The following SLC66A1 variants were observed in gnomAD, a reference collection of about 807,000 sequenced individuals.
SLC66A1 encodes lysosomal amino acid transporter 1 homolog.
In SLC66A1, 23 loss-of-function variants were observed where a neutral mutation model predicts 33.0. The ratio of observed to expected loss-of-function variants is 0.70; its 90% confidence interval spans 0.50 to 0.99. The LOEUF is 0.99. Among genes scored for constraint, SLC66A1 ranks in the 50% least tolerant of loss-of-function variants. SLC66A1 has a pLI of 0.00. For synonymous variants in SLC66A1, 164 were observed against 175.5 expected (o/e 0.93, Z 0.52); for missense variants, 335 against 383.6 (o/e 0.87, Z 1.06).
intron 1 of SLC66A1, among the ~76,000 whole-genome samples, chr1:19,314,767 C>T (rs2093796046): frequency 6.6e-6 from 1 of 152,172 alleles, no homozygotes; most frequent in Admixed American, 6.5e-5. Flanking sequence ...GAGCTGCAGC[C>T]TTGTGTTCAG....
At position 19,321,169 on chromosome 1, in the gene SLC66A1, C is replaced by CTTTTTTTTTT. The variant is rs71577887; in HGVS notation, c.164+3341_164+3350dup. ...TAACAAAGATTTATCCTTATCTCTTCTTTTTTTTTTTTTTTTTTTTTTGAG... is the reference window on the plus strand; with the variant it reads ...TAACAAAGATTTATCCTTATCTCTTCTTTTTTTTTTTTTTTTTTTTTTTTTTTTTTTTGAG... On this transcript the variant is annotated intron_variant, in intron 2 of 7. Coordinates refer to ENST00000375153, the MANE Select transcript of SLC66A1 (RefSeq NM_001040125.2). 2.4e-4 allele frequency among the ~76,000 whole-genome samples: 20 copies of CTTTTTTTTTT among 82,112 alleles called. 1 individual carries two copies. The highest frequency in any genetic ancestry group is 1.0e-3 in the South Asian group (2 of 2,006). 53.9% of individuals were successfully genotyped at this position (82,112 alleles called of 152,430 possible). A position where few individuals can be genotyped will look rare whatever the true frequency, so the allele number is the denominator to read the frequency against.
downstream of SLC66A1, among the ~76,000 whole-genome samples, chr1:19,332,446 GC>G (rs1558158562): frequency 6.6e-6 from 1 of 152,162 alleles, no homozygotes; most frequent in Non-Finnish European, 1.5e-5. Flanking sequence ...GCTTACCAAT[GC>G]CTGGAACCTC....
At chr1:19,326,949 G>A (rs1481795386) in intron 6 of SLC66A1, among the ~76,000 whole-genome samples, 2 of 152,174 alleles carry the variant, frequency 1.3e-5, no homozygotes, top group African/African-American at 2.4e-5. Context: ...AGGCTTGCTG[G>A]GCAGCTAGAG....
chr1:19,326,447 C>T, intron 5 of SLC66A1, 60 bp downstream of exon 5: 1 of 1,610,914 alleles, frequency 6.2e-7, no homozygotes, highest in Non-Finnish European at 8.5e-7. Flanking sequence ...GGGCTCTCCC[C>T]TGCACAGCCT....
In SLC66A1 at chr1:19,329,175, T is replaced by C. The variant is rs939100104; in HGVS notation, c.*532T>C. On this transcript the variant is annotated 3_prime_UTR_variant, in exon 8 of 8. Coordinates refer to ENST00000375153, the MANE Select transcript of SLC66A1 (RefSeq NM_001040125.2). ...GGGAGGCTGAGGCAGGAGAACTGTT[T>C]GAACCTGGGAGACAGAGGTTGCGGT... 2 of 155,304 alleles carry C rather than the reference T, an allele frequency of 1.3e-5. No individual in the cohort carries two copies. Among genetic ancestry groups the C allele is most frequent in the African/African-American group, 4.8e-5 (2 of 41,496 alleles). 9.6% of individuals were successfully genotyped at this position (155,304 alleles called of 1,614,324 possible).
At chr1:19,332,290 G>A (rs2093894704), downstream of SLC66A1, among the ~76,000 whole-genome samples, 2 of 152,188 alleles carry the variant, frequency 1.3e-5, no homozygotes, top group Non-Finnish European at 2.9e-5. Context: ...GTCCGAAGCC[G>A]TTTCTTCATC....
intron 4 of SLC66A1, among the ~76,000 whole-genome samples, chr1:19,325,811 C>T (rs528824257): frequency 2.6e-5 from 4 of 152,330 alleles, no homozygotes; most frequent in Admixed American, 1.3e-4. Flanking sequence ...CGGTTCCTCT[C>T]GCCCAGGGGC....
intron 2 of SLC66A1, among the ~76,000 whole-genome samples, chr1:19,321,207 TCTGTCCCC>T (rs2093835710): frequency 8.4e-6 from 1 of 118,696 alleles, no homozygotes; most frequent in Admixed American, 1.0e-4. Flanking sequence ...ACGGTCATAC[TCTGTCCCC>T]CAGGCTGGAG....
At chr1:19,319,772 G>C (rs572398048) in intron 2 of SLC66A1, among the ~76,000 whole-genome samples, 15 of 151,228 alleles carry the variant, frequency 9.9e-5, no homozygotes, top group Non-Finnish European at 2.2e-4. Flanking sequence ...GTGTGGTGGC[G>C]CGTGCCTGTG....
intron 1 of SLC66A1, among the ~76,000 whole-genome samples, chr1:19,314,186 T>G (rs889406610): frequency 1.3e-5 from 2 of 152,210 alleles, no homozygotes; most frequent in African/African-American, 4.8e-5. Flanking sequence ...CAGGCCTTTC[T>G]GTTCAGGGAT....
chr1:19,323,015 G>A, intron 2 of SLC66A1, among the ~76,000 whole-genome samples: 1 of 151,878 alleles, frequency 6.6e-6, no homozygotes. Context: ...TTGAGTAGCT[G>A]GGACCACAGG....
downstream of SLC66A1, among the ~76,000 whole-genome samples, chr1:19,332,496 GCAGTGGTT>G (rs1434781895): frequency 6.6e-6 from 1 of 152,224 alleles, no homozygotes; most frequent in Non-Finnish European, 1.5e-5. Flanking sequence ...AAGGCCGGGT[GCAGTGGTT>G]CACGCCTGTA....
chr1:19,330,964 A>G (rs994578989), downstream of SLC66A1, among the ~76,000 whole-genome samples: 4 of 152,162 alleles, frequency 2.6e-5, no homozygotes, highest in Non-Finnish European at 5.9e-5. Context: ...GCCGCCTGCC[A>G]TCAGTGCACG....
chr1:19,323,722 TTCTG>T (rs1166342703), intron 2 of SLC66A1, among the ~76,000 whole-genome samples: 1 of 152,178 alleles, frequency 6.6e-6, no homozygotes, highest in Non-Finnish European at 1.5e-5. Flanking sequence ...TTTAGTTTCT[TTCTG>T]TCTGTCTGTT....
chr1:19,322,885 A>AT (rs11445333), intron 2 of SLC66A1, among the ~76,000 whole-genome samples: 45,266 of 148,702 alleles, frequency 0.3, 7,090 homozygotes, highest in African/African-American at 0.4. Context: ...ATTAAAGACA[A>AT]TTTTTTTTTT....
At chr1:19,322,715 C>T (rs1172179150) in intron 2 of SLC66A1, among the ~76,000 whole-genome samples, 2 of 151,986 alleles carry the variant, frequency 1.3e-5, no homozygotes, top group Non-Finnish European at 2.9e-5. Flanking sequence ...GAGGGGTGAG[C>T]GGGACATCTG....
At chr1:19,332,562 G>T (rs2093895451), downstream of SLC66A1, among the ~76,000 whole-genome samples, 1 of 152,144 alleles carries the variant, frequency 6.6e-6, no homozygotes, top group African/African-American at 2.4e-5. Flanking sequence ...TTGAGCCAAG[G>T]AGTTCAAGAC....
At position 19,326,300 on chromosome 1, in the gene SLC66A1, ACCG is replaced by A. The variant is rs1558152646; in HGVS notation, c.440_442del (p.Pro147del). On this transcript the variant is annotated inframe_deletion, in exon 5 of 8. Transcript: ENST00000375153. Reference sequence around the variant, plus strand: ...TCCTCATGGGGATGGCGTGCGCCACACCGCTGCTGAGTGCTGCTGGGCCCGTGG... The same window carrying A: ...TCCTCATGGGGATGGCGTGCGCCACACTGCTGAGTGCTGCTGGGCCCGTGG... The A allele has an allele frequency of 6.2e-7, 1 of 1,606,994 alleles. No individual in the cohort carries two copies. The highest frequency in any genetic ancestry group is 1.7e-4 in the Middle Eastern group (1 of 6,052).
Position 19,328,921 on chromosome 1 carries a change from C to T in SLC66A1, c.*278C>T, listed in dbSNP as rs2093884099. ...GCCTACTCACCCCAGGGGCCACAGC[C>T]ACAGCCTGCTGGACTCAGGACTGTC... is the stretch of plus-strand genomic sequence containing the variant. On this transcript the variant is annotated 3_prime_UTR_variant, in exon 8 of 8. Coordinates refer to ENST00000375153, the MANE Select transcript of SLC66A1 (RefSeq NM_001040125.2). This position sits in a 1 kb window ranked among gnomAD's most constrained non-coding sequence, Gnocchi z 4.7. 9.1e-6 allele frequency: 5 copies of T among 548,568 alleles called. No individual in the cohort carries two copies. The East Asian group carries it at 1.6e-4, about 17-fold the overall frequency. The allele number at this position is 548,568 out of a possible 1,614,324, so 34.0% of individuals were successfully genotyped here.
Sources: allele counts gnomAD v4.1 joint callset (sites outside exome capture counted in the v4.1 genomes callset), GRCh38; gene constraint gnomAD v4.1.1; non-coding constraint Gnocchi (gnomAD v3.1); transcripts MANE v1.5; gene names NCBI Gene and HGNC (gene_info 2026-07-23, HGNC 2026-07-21).